The following CACNA1E variants were observed in gnomAD, a reference collection of about 807,000 sequenced individuals.
CACNA1E encodes the protein calcium voltage-gated channel subunit alpha1 E.
A neutral mutation model predicts 259.2 loss-of-function variants in CACNA1E; 40 were observed. The observed-to-expected ratio is 0.15, with a 90% CI of 0.12 to 0.20. The LOEUF (loss-of-function observed/expected upper bound fraction) is 0.20, where lower values mean the gene tolerates loss of function less well. Ranked by LOEUF, CACNA1E falls within the 10% of genes least tolerant of loss-of-function variation. The pLI, the probability that CACNA1E is intolerant of heterozygous loss-of-function variation, is 1.00. For synonymous variants in CACNA1E, 1,104 were observed against 1,138.5 expected, an observed-to-expected ratio of 0.97 and a Z score of 0.61; for missense variants, 1,874 against 3,040.1, an observed-to-expected ratio of 0.62 and a Z score of 9.02.
intron 7 of CACNA1E, among the ~76,000 whole-genome samples, chr1:181,691,166 CTCTT>C (rs1651113929): frequency 6.6e-6 from 1 of 151,894 alleles, no homozygotes; most frequent in African/African-American, 2.4e-5. Flanking sequence ...GTTTTCTCAT[CTCTT>C]TATTTCTATG....
intron 3 of CACNA1E, among the ~76,000 whole-genome samples, chr1:181,526,769 C>G (rs1169605477): frequency 1.3e-5 from 2 of 152,174 alleles, no homozygotes; most frequent in Non-Finnish European, 2.9e-5. Flanking sequence ...GTTATTTAAC[C>G]TCTCATCCTC....
chr1:181,775,933 C>T (rs1001943121), intron 37 of CACNA1E, among the ~76,000 whole-genome samples, 168 bp from the exon 38 acceptor site: 1 of 152,194 alleles, frequency 6.6e-6, no homozygotes, highest in African/African-American at 2.4e-5. Context: ...CACTTGGATC[C>T]AGCTGCTCCG....
chr1:181,440,195 G>A (rs1415823601), intron 2 of CACNA1E, among the ~76,000 whole-genome samples: 1 of 152,172 alleles, frequency 6.6e-6, no homozygotes, highest in Non-Finnish European at 1.5e-5. Flanking sequence ...GGTTGCATGA[G>A]TGTGCGGGGG....
chr1:181,437,285 T>C (rs568626567), intron 2 of CACNA1E, among the ~76,000 whole-genome samples: 14 of 152,136 alleles, frequency 9.2e-5, no homozygotes, highest in Admixed American at 1.3e-4. Context: ...CATTCTTTCT[T>C]TTTTCTGTGC....
At chr1:181,589,294 A>T (rs1399279011) in intron 6 of CACNA1E, among the ~76,000 whole-genome samples, 1 of 152,176 alleles carries the variant, frequency 6.6e-6, no homozygotes, top group Non-Finnish European at 1.5e-5. Context: ...AAAAAGGCAC[A>T]CTTCTGCCTT....
chr1:181,531,816 AG>A (rs2102733429), intron 3 of CACNA1E, among the ~76,000 whole-genome samples: 1 of 152,218 alleles, frequency 6.6e-6, no homozygotes, highest in East Asian at 1.9e-4. Context: ...GCACTTTGGG[AG>A]GCCAAGGCGG....
chr1:181,513,669 G>A (rs761314874), intron 3 of CACNA1E, among the ~76,000 whole-genome samples: 3 of 152,186 alleles, frequency 2.0e-5, no homozygotes, highest in Non-Finnish European at 4.4e-5. Context: ...TCCAGTAGAT[G>A]TTAATCTCTC....
intron 1 of CACNA1E, among the ~76,000 whole-genome samples, chr1:181,366,193 G>A (rs1046403321): frequency 6.6e-6 from 1 of 152,152 alleles, no homozygotes; most frequent in African/African-American, 2.4e-5. Flanking sequence ...TTCCATTTTA[G>A]GGTTGGAGGA....
Position 181,558,254 on chromosome 1 carries a change from A to C in CACNA1E, c.513-19512A>C, listed in dbSNP as rs1430866172. 2.6e-5 allele frequency among the ~76,000 whole-genome samples: 4 copies of C among 152,186 alleles called. No homozygotes were observed. The East Asian group carries it at 7.7e-4, about 29-fold the overall frequency. On this transcript the variant is annotated intron_variant, in intron 3 of 47. Transcript: ENST00000367573. Reference sequence around the variant, plus strand: ...GCTGGGATGAGCTTCGCCCAGGAACACTGTGTTCCTGGAGTTTGGGCTTGA... The same window carrying C: ...GCTGGGATGAGCTTCGCCCAGGAACCCTGTGTTCCTGGAGTTTGGGCTTGA...
chr1:181,601,325 T>C (rs1043316553), intron 6 of CACNA1E, among the ~76,000 whole-genome samples: 14 of 152,194 alleles, frequency 9.2e-5, no homozygotes, highest in Admixed American at 2.0e-4. Flanking sequence ...AAACCTTTAT[T>C]GAGGGCCTGC....
At position 181,393,678 on chromosome 1, in the gene CACNA1E, G is replaced by A. The variant is rs1186286911; in HGVS notation, c.-14-19455G>A. On this transcript the variant is annotated intron_variant, in intron 1 of 11. Transcript: ENST00000524607. Reference sequence around the variant, plus strand: ...TTGCAATGTTGCCTAGGCTGGTCTCGAACTCCTGAGCTCAGGTGATCTACC... The same window carrying A: ...TTGCAATGTTGCCTAGGCTGGTCTCAAACTCCTGAGCTCAGGTGATCTACC... 3.9e-5 allele frequency among the ~76,000 whole-genome samples: 6 copies of A among 152,064 alleles called. No individual in the cohort carries two copies. In the South Asian group the frequency reaches 6.2e-4, roughly 16 times the overall value.
chr1:181,470,068 TGAGA>T (rs751490718), intron 2 of CACNA1E, among the ~76,000 whole-genome samples: 4 of 144,018 alleles, frequency 2.8e-5, no homozygotes, highest in African/African-American at 5.1e-5. Flanking sequence ...AGAGAGAGAG[TGAGA>T]GAGAGAGAGC....
chr1:181,566,634 T>C (rs1649856470), intron 3 of CACNA1E, among the ~76,000 whole-genome samples: 1 of 152,180 alleles, frequency 6.6e-6, no homozygotes, highest in Admixed American at 6.5e-5. Context: ...GAAGGCTTCC[T>C]TTGGAGACAC....
At chr1:181,746,860 AT>A (rs1042461050) in intron 25 of CACNA1E, among the ~76,000 whole-genome samples, 1 of 152,160 alleles carries the variant, frequency 6.6e-6, no homozygotes, top group Non-Finnish European at 1.5e-5. Context: ...AGTCAGGCAC[AT>A]TTAGGCCTGA....
intron 6 of CACNA1E, among the ~76,000 whole-genome samples, chr1:181,591,631 A>T (rs1402406065): frequency 6.6e-6 from 1 of 152,092 alleles, no homozygotes; most frequent in Non-Finnish European, 1.5e-5. Context: ...TTATGCATGG[A>T]TGTTCTGATA....
intron 35 of CACNA1E, among the ~76,000 whole-genome samples, chr1:181,770,785 A>G (rs1659434256): frequency 6.6e-6 from 1 of 152,192 alleles, no homozygotes; most frequent in Admixed American, 6.5e-5. Context: ...GAAGATAGAG[A>G]TGCCACTCTC....
At chr1:181,773,744 C>T (rs373135301) in intron 37 of CACNA1E, among the ~76,000 whole-genome samples, 6 of 152,210 alleles carry the variant, frequency 3.9e-5, no homozygotes, top group Non-Finnish European at 7.4e-5. Flanking sequence ...CAGATAGAAG[C>T]GCATGTGGAC....
intron 1 of CACNA1E, among the ~76,000 whole-genome samples, chr1:181,343,183 G>A (rs1327427098): frequency 6.6e-6 from 1 of 151,978 alleles, no homozygotes; most frequent in African/African-American, 2.4e-5. Flanking sequence ...AGACTGGGGT[G>A]GAGGAGGCTG....
intron 3 of CACNA1E, among the ~76,000 whole-genome samples, chr1:181,560,719 G>A (rs1261429581): frequency 6.6e-6 from 1 of 152,172 alleles, no homozygotes; most frequent in Non-Finnish European, 1.5e-5. Flanking sequence ...ATATGATTCA[G>A]CAATTCCACT....
Sources: allele counts gnomAD v4.1 joint callset (sites outside exome capture counted in the v4.1 genomes callset), GRCh38; gene constraint gnomAD v4.1.1; transcripts MANE v1.5; gene names NCBI Gene and HGNC (gene_info 2026-07-23, HGNC 2026-07-21).